GSE1: variants seen among roughly 807,000 people sequenced by gnomAD.
The protein encoded by GSE1 is Gse1 coiled-coil protein, also known as genetic suppressor element 1.
In GSE1, 32 loss-of-function variants were observed where a neutral mutation model predicts 112.6. That is an observed-to-expected ratio of 0.28 (90% confidence interval 0.21 to 0.38). The LOEUF (loss-of-function observed/expected upper bound fraction) is 0.38, where lower values mean the gene tolerates loss of function less well. Ranked by LOEUF, GSE1 falls within the 10% of genes least tolerant of loss-of-function variation. GSE1 has a pLI of 1.00. For synonymous variants in GSE1, 1,115 were observed against 735.6 expected (o/e 1.52, Z -8.35); for missense variants, 2,348 against 1,699.2 (o/e 1.38, Z -6.71).
At chr16:85,445,748 C>G (rs574864619) in intron 2 of GSE1, among the ~76,000 whole-genome samples, 44 of 152,310 alleles carry the variant, frequency 2.9e-4, no homozygotes, top group African/African-American at 9.1e-4. Context: ...AGAGCTCCCC[C>G]CAGCCGCCCT....
At chr16:85,237,673 C>G (rs1000134718) in intron 1 of GSE1, among the ~76,000 whole-genome samples, 7 of 151,844 alleles carry the variant, frequency 4.6e-5, no homozygotes, top group Non-Finnish European at 1.0e-4. Context: ...CCCGTCTCTA[C>G]TAAAAGTACA....
chr16:85,236,909 C>G (rs1450109447), intron 1 of GSE1, among the ~76,000 whole-genome samples: 1 of 152,220 alleles, frequency 6.6e-6, no homozygotes, highest in Non-Finnish European at 1.5e-5. Context: ...GCCACCTGCC[C>G]TTGCAGAACT....
intron 1 of GSE1, among the ~76,000 whole-genome samples, chr16:85,210,278 G>C (rs1421709106): frequency 2.0e-5 from 3 of 152,208 alleles, no homozygotes; most frequent in Non-Finnish European, 2.9e-5. Context: ...GTTGTTCTTT[G>C]CACTGTTATT....
chr16:85,556,542 G>A (rs1019530696), intron 1 of GSE1, among the ~76,000 whole-genome samples: 262 of 151,504 alleles, frequency 1.7e-3, no homozygotes, highest in African/African-American at 6.2e-3. Flanking sequence ...CGCGGTGTGC[G>A]CGGCTACGTG....
chr16:85,642,749 C>T (rs922665052), intron 2 of GSE1, among the ~76,000 whole-genome samples: 3 of 152,360 alleles, frequency 2.0e-5, no homozygotes, highest in East Asian at 1.9e-4. Flanking sequence ...GGGGCCGGGC[C>T]CTGGGGTGGG....
chr16:85,447,168 A>G (rs1444792788), intron 2 of GSE1, among the ~76,000 whole-genome samples: 1 of 151,990 alleles, frequency 6.6e-6, no homozygotes, highest in Non-Finnish European at 1.5e-5. Flanking sequence ...TGCCGGGCCC[A>G]CCTTGCCTGC....
intron 1 of GSE1, among the ~76,000 whole-genome samples, chr16:85,624,863 C>T (rs1024168559): frequency 3.9e-5 from 6 of 152,348 alleles, no homozygotes; most frequent in South Asian, 4.1e-4. Flanking sequence ...GGGAATCGGC[C>T]GGCATGGGTG....
At position 85,550,770 on chromosome 16, in the gene GSE1, C is replaced by T. The variant is rs1197675530; in HGVS notation, c.2465-83144C>T. Among the ~76,000 whole-genome samples the T allele has an allele frequency of 5.3e-5, 8 of 152,212 alleles. No homozygotes were observed. In the South Asian group the frequency reaches 6.2e-4, roughly 12 times the overall value. On this transcript the variant is annotated intron_variant, in intron 2 of 2. Transcript: ENST00000637419. Reference sequence around the variant, plus strand: ...GGCTGTCTCCGTGCTGTGGCAAAGACAGCCCCGCTAGAGGGAGTCTGGGGA... The same window carrying T: ...GGCTGTCTCCGTGCTGTGGCAAAGATAGCCCCGCTAGAGGGAGTCTGGGGA...
chr16:85,564,778 A>T lies in GSE1; in HGVS notation c.37+8415A>T, dbSNP rs117902038. Among the ~76,000 whole-genome samples the T allele has an allele frequency of 7.3e-3, 1,112 of 152,264 alleles. 35 individuals carry two copies. The East Asian group carries it at 0.076, about 10-fold the overall frequency. ...TGCAGGCAGAGGGAGCCTGTGCGGA[A>T]GGGGTAGCTGTGCCTGTCAAATCTG... On this transcript the variant is annotated intron_variant, in intron 1 of 2. Coordinates refer to the GSE1 transcript ENST00000635906.
intron 1 of GSE1, among the ~76,000 whole-genome samples, chr16:85,191,684 CA>C (rs2143450110): frequency 6.6e-6 from 1 of 152,326 alleles, no homozygotes; most frequent in Non-Finnish European, 1.5e-5. Flanking sequence ...GGTGTTGCTA[CA>C]AACATAGTCC....
At chr16:85,354,998 C>T (rs1031594718) in intron 1 of GSE1, among the ~76,000 whole-genome samples, 1 of 152,210 alleles carries the variant, frequency 6.6e-6, no homozygotes, top group African/African-American at 2.4e-5. Context: ...GAGGTGCCGC[C>T]GCCTCCTGGC....
chr16:85,397,645 ACCAGGGTGCGG>A (rs1419540530), intron 2 of GSE1, among the ~76,000 whole-genome samples: 1 of 152,162 alleles, frequency 6.6e-6, no homozygotes, highest in Non-Finnish European at 1.5e-5. Flanking sequence ...TCCCCGGAGC[ACCAGGGTGCGG>A]GAGGCACCAC....
intron 2 of GSE1, among the ~76,000 whole-genome samples, chr16:85,454,484 C>T (rs879834832): frequency 2.6e-5 from 4 of 152,240 alleles, no homozygotes; most frequent in Admixed American, 2.6e-4. Flanking sequence ...GGCTCATTTT[C>T]CCTGGAGCAT....
chr16:85,631,171 C>T (rs1039161056), intron 1 of GSE1, among the ~76,000 whole-genome samples: 1 of 152,236 alleles, frequency 6.6e-6, no homozygotes, highest in African/African-American at 2.4e-5. Context: ...GCCACTTCGT[C>T]TTTCTAGACA....
intron 2 of GSE1, among the ~76,000 whole-genome samples, chr16:85,473,039 C>T (rs1036373965): frequency 9.2e-5 from 14 of 152,224 alleles, no homozygotes; most frequent in Admixed American, 5.9e-4. Flanking sequence ...ACAGGAGGTG[C>T]GCCCGGCACC....
At chr16:85,346,960 T>C (rs1320141978) in intron 1 of GSE1, among the ~76,000 whole-genome samples, 1 of 151,960 alleles carries the variant, frequency 6.6e-6, no homozygotes, top group South Asian at 2.1e-4. Flanking sequence ...GATGGGTAGA[T>C]ATGAGGGTGT....
chr16:85,259,788 G>A lies in GSE1; in HGVS notation c.2283+87981G>A, dbSNP rs1050750874. On this transcript the variant is annotated intron_variant, in intron 1 of 2. Transcript: ENST00000637419. ...GTACTGGGACCCCCCACCCCTGCAC[G>A]ACATCCTGCAGTGATGGGCGCATGG... is the stretch of plus-strand genomic sequence containing the variant. Among the ~76,000 whole-genome samples the A allele has an allele frequency of 9.8e-5, 15 of 152,324 alleles. No homozygotes were observed. The East Asian group carries it at 1.2e-3, about 12-fold the overall frequency.
intron 1 of GSE1, among the ~76,000 whole-genome samples, chr16:85,279,834 C>T (rs993656336): frequency 1.3e-5 from 2 of 152,156 alleles, no homozygotes; most frequent in African/African-American, 4.8e-5. Context: ...GAGTGAGGAT[C>T]TGTGTTTCAA....
At chr16:85,544,418 A>T (rs2044627037) in intron 2 of GSE1, among the ~76,000 whole-genome samples, 1 of 152,216 alleles carries the variant, frequency 6.6e-6, no homozygotes, top group African/African-American at 2.4e-5. Context: ...AGTAAAGGAC[A>T]GCTCAGGCCA....
Sources: gnomAD v4.1 joint callset for allele counts (sites outside exome capture counted in the v4.1 genomes callset) on GRCh38, gnomAD v4.1.1 for gene constraint, MANE v1.5 for transcripts, NCBI Gene and HGNC (gene_info 2026-07-23, HGNC 2026-07-21) for gene names.